PTGER4: variants seen among roughly 807,000 people sequenced by gnomAD.
The protein encoded by PTGER4 is prostaglandin E2 receptor EP4 subtype.
In PTGER4, 11 loss-of-function variants were observed where a neutral mutation model predicts 33.2. The ratio of observed to expected loss-of-function variants is 0.33; its 90% CI spans 0.21 to 0.55. PTGER4 has a LOEUF of 0.55. Ranked by LOEUF, PTGER4 falls within the 20% of genes least tolerant of loss-of-function variation. The probability of loss-of-function intolerance (pLI) is 0.92; values close to 1 mark genes in which losing one functional copy is unlikely to be tolerated. For synonymous variants in PTGER4, 275 were observed against 281.5 expected (o/e 0.98, Z 0.23); for missense variants, 481 against 650.2 (o/e 0.74, Z 2.83).
chr5:40,731,137 T>G, the PTGER4 span, among the ~76,000 whole-genome samples: 1 of 152,210 alleles, frequency 6.6e-6, no homozygotes, highest in Non-Finnish European at 1.5e-5. Flanking sequence ...GATGTATTCC[T>G]TCATAACAAT....
At chr5:40,718,819 T>C in the PTGER4 span, among the ~76,000 whole-genome samples, 1 of 151,894 alleles carries the variant, frequency 6.6e-6, no homozygotes, top group Non-Finnish European at 1.5e-5. Flanking sequence ...GAGAATCACT[T>C]GAACCCAAGA....
rs1349658306 is a variant in PTGER4, at chr5:40,680,920, G to A, written c.-43-31G>A. On this transcript the variant is annotated intron_variant, in intron 1 of 2. Transcript: ENST00000302472. This position sits in a 1 kb window ranked among gnomAD's most constrained non-coding sequence, Gnocchi z 5.5. ...CTTACAAGTGGTAATTTCCGCTCAC[G>A]GCAGCTTTGTCTCTCTTCTACCATC... is the stretch of plus-strand genomic sequence containing the variant. 7.2e-6 allele frequency: 11 copies of A among 1,522,030 alleles called. 1 individual carries two copies. The highest frequency in any genetic ancestry group is 9.7e-6 in the Non-Finnish European group (11 of 1,133,248). 94.3% of individuals were successfully genotyped at this position (1,522,030 alleles called of 1,614,324 possible). A position where few individuals can be genotyped will look rare whatever the true frequency, so the allele number is the denominator to read the frequency against.
At chr5:40,694,051 T>TC (rs1741533574), downstream of PTGER4, among the ~76,000 whole-genome samples, 3 of 152,098 alleles carry the variant, frequency 2.0e-5, no homozygotes, top group Non-Finnish European at 1.5e-5. Flanking sequence ...TATTTTTATT[T>TC]TTTTATTTTT....
rs1025802449 is a variant in PTGER4, at chr5:40,692,552, G to A, written c.*174G>A. ...CAAACAATCAAGTTGACTCACGTGGGTCCTGAGGCCTGCAGCACGTCGGAT... is the reference window on the plus strand; with the variant it reads ...CAAACAATCAAGTTGACTCACGTGGATCCTGAGGCCTGCAGCACGTCGGAT... On this transcript the variant is annotated 3_prime_UTR_variant, in exon 3 of 3. Transcript: ENST00000302472. 7.8e-6 allele frequency: 11 copies of A among 1,409,076 alleles called. No individual in the cohort carries two copies. The African/African-American group carries it at 1.6e-4, about 20-fold the overall frequency. 87.3% of individuals were successfully genotyped at this position (1,409,076 alleles called of 1,614,324 possible). A position where few individuals can be genotyped will look rare whatever the true frequency, so the allele number is the denominator to read the frequency against.
At chr5:40,693,913 A>T (rs1431167177), downstream of PTGER4, among the ~76,000 whole-genome samples, 1 of 152,162 alleles carries the variant, frequency 6.6e-6, no homozygotes, top group Non-Finnish European at 1.5e-5. Context: ...ACTTTACTCA[A>T]AGCCTCCAGT....
chr5:40,721,395 C>A, the PTGER4 span, among the ~76,000 whole-genome samples: 43 of 152,214 alleles, frequency 2.8e-4, no homozygotes, highest in East Asian at 3.5e-3. Flanking sequence ...ACGATTCTGG[C>A]ATAAAGTCAG....
rs1012563788 is a variant in PTGER4, at chr5:40,692,044, G to T, written c.1133G>T (p.Arg378Leu). 3 of 1,614,166 alleles carry T rather than the reference G, an allele frequency of 1.9e-6. No homozygotes were observed. Among genetic ancestry groups the T allele is most frequent in the Non-Finnish European group, 2.5e-6 (3 of 1,180,030 alleles). Residue 378 changes from arginine to leucine, a missense_variant, in exon 3 of 3, where the codon CGC (arginine) becomes CTC (leucine). Physicochemically the swap from Arg to Leu is moderately radical, Grantham distance 102. Coordinates refer to ENST00000302472, the MANE Select transcript of PTGER4 (RefSeq NM_000958.3). ...RTSSAMSGHS[R>L]SFISRELKEI... ...TCTTCTGCCATGTCAGGCCACTCTC[G>T]CTCCTTCATCTCCCGGGAGCTGAAG...
the PTGER4 span, among the ~76,000 whole-genome samples, chr5:40,735,487 G>A: frequency 1.3e-5 from 2 of 152,180 alleles, no homozygotes; most frequent in Non-Finnish European, 2.9e-5. Context: ...TGGGTTACCT[G>A]GAAAACAGAG....
At chr5:40,704,938 T>G in the PTGER4 span, among the ~76,000 whole-genome samples, 2 of 152,202 alleles carry the variant, frequency 1.3e-5, no homozygotes, top group Non-Finnish European at 2.9e-5. Context: ...CCTATCAAAC[T>G]ACCAATGGCA....
chr5:40,729,340 T>G, the PTGER4 span, among the ~76,000 whole-genome samples: 634 of 152,336 alleles, frequency 4.2e-3, 3 homozygotes, highest in African/African-American at 0.015. Flanking sequence ...GTGTGCAGAT[T>G]AAGGCTGAAT....
At chr5:40,741,499 C>T in the PTGER4 span, among the ~76,000 whole-genome samples, 1 of 152,210 alleles carries the variant, frequency 6.6e-6, no homozygotes, top group Non-Finnish European at 1.5e-5. Context: ...TCAACAAAGA[C>T]TCAAAGGGAC....
rs201692092 is a variant in PTGER4 at position 40,693,395 on chromosome 5, A to T, written c.*1017A>T. On this transcript the variant is annotated 3_prime_UTR_variant, in exon 3 of 3. Coordinates refer to ENST00000302472, the MANE Select transcript of PTGER4 (RefSeq NM_000958.3). ...ACTTTCCTAAGGAATTACCAAGAAT[A>T]TCCTTTAAAATTTAAAAGGATGGCA... 15 of 984,622 alleles carry T rather than the reference A, an allele frequency of 1.5e-5. No individual in the cohort carries two copies. The East Asian group carries it at 1.3e-3, about 88-fold the overall frequency. The allele number at this position is 984,622 out of a possible 1,614,324, so 61.0% of individuals were successfully genotyped here.
rs1741479248 is a variant in PTGER4, at chr5:40,691,770, C to T, written c.868-9C>T. 3 of 1,609,260 alleles carry T rather than the reference C, an allele frequency of 1.9e-6. No individual in the cohort carries two copies. Among genetic ancestry groups the T allele is most frequent in the Non-Finnish European group, 2.5e-6 (3 of 1,177,760 alleles). On this transcript the variant is annotated splice_polypyrimidine_tract_variant and intron_variant, in intron 2 of 2. Coordinates refer to ENST00000302472, the MANE Select transcript of PTGER4 (RefSeq NM_000958.3). This position sits in a 1 kb window ranked among gnomAD's most constrained non-coding sequence, Gnocchi z 4.2. ...GATGAAATCTAAATGTGCGATCTCA[C>T]TTATGCAGGTGCGAGTATTCGTCAA...
chr5:40,740,861 G>A, the PTGER4 span, among the ~76,000 whole-genome samples: 1 of 152,114 alleles, frequency 6.6e-6, no homozygotes, highest in Non-Finnish European at 1.5e-5. Context: ...GCTTCTAGAA[G>A]GACCCAGACT....
chr5:40,717,433 T>G, the PTGER4 span, among the ~76,000 whole-genome samples: 5 of 152,136 alleles, frequency 3.3e-5, no homozygotes, highest in Non-Finnish European at 5.9e-5. Context: ...ATTCATTATA[T>G]TATACTGCTT....
the PTGER4 span, among the ~76,000 whole-genome samples, chr5:40,719,662 C>A: frequency 2.6e-5 from 4 of 152,142 alleles, no homozygotes; most frequent in Admixed American, 6.5e-5. Context: ...TACATTCCCA[C>A]CAGCAATGGA....
At chr5:40,699,295 A>G in the PTGER4 span, among the ~76,000 whole-genome samples, 1 of 152,194 alleles carries the variant, frequency 6.6e-6, no homozygotes, top group African/African-American at 2.4e-5. Context: ...ATTTAATCAA[A>G]CCACACTATC....
chr5:40,736,248 G>A, the PTGER4 span, among the ~76,000 whole-genome samples: 1 of 152,116 alleles, frequency 6.6e-6, no homozygotes, highest in Non-Finnish European at 1.5e-5. Context: ...CTGTATCTAT[G>A]TTTTTCCACA....
chr5:40,697,232 AAGAAAGAAAG>A (rs748302033), downstream of PTGER4, among the ~76,000 whole-genome samples: 90 of 44,998 alleles, frequency 2.0e-3, 1 homozygote, highest in Non-Finnish European at 3.7e-3. Context: ...GAAGAAAAGA[AAGAAAGAAAG>A]AAAGAAAGAA....
Sources: gnomAD v4.1 joint callset for allele counts (sites outside exome capture counted in the v4.1 genomes callset) on GRCh38, gnomAD v4.1.1 for gene constraint, Gnocchi (gnomAD v3.1) non-coding constraint, MANE v1.5 for transcripts, NCBI Gene and HGNC (gene_info 2026-07-23, HGNC 2026-07-21) for gene names.